Variants in CACNA1G observed in about 807,000 individuals in gnomAD.
The protein encoded by CACNA1G is voltage-dependent T-type calcium channel subunit alpha-1G.
Under a neutral mutation model 219.4 loss-of-function variants are expected in CACNA1G, and 67 were observed. That is an observed-to-expected ratio of 0.31 (90% confidence interval 0.25 to 0.37). CACNA1G has a LOEUF of 0.37. CACNA1G is among the 10% of genes least tolerant of loss of function. The pLI is 1.00. For missense variants in CACNA1G, 2,380 were observed against 3,231.4 expected (o/e 0.74, Z 6.39); for synonymous variants, 1,296 against 1,345.3 (o/e 0.96, Z 0.80).
intron 9 of CACNA1G, among the ~76,000 whole-genome samples, chr17:50,589,150 G>A (rs2145407264): frequency 1.3e-5 from 2 of 152,270 alleles, no homozygotes; most frequent in Admixed American, 1.3e-4. Context: ...GGTCCATTGA[G>A]CCAACCATAT....
chr17:50,571,768 GTC>G lies in CACNA1G; in HGVS notation c.587-107_587-106del. On this transcript the variant is annotated intron_variant, in intron 4 of 37. Transcript: ENST00000359106. The surrounding 1 kb of genome is among the most constrained non-coding windows in gnomAD (Gnocchi z 4.3). ...TCTCCCCTCCAGCTTGAGCCGGGCC[GTC>G]TCAGCCTCAGAGTCCCTGGTGGGGC... 1 of 1,107,994 alleles carries G rather than the reference GTC, an allele frequency of 9.0e-7. No individual in the cohort carries two copies. The highest frequency in any genetic ancestry group is 1.3e-6 in the Non-Finnish European group (1 of 753,736). 68.6% of individuals were successfully genotyped at this position (1,107,994 alleles called of 1,614,324 possible).
chr17:50,588,567 G>A (rs991065873), intron 9 of CACNA1G, among the ~76,000 whole-genome samples: 1 of 152,188 alleles, frequency 6.6e-6, no homozygotes, highest in South Asian at 2.1e-4. Context: ...CCCACCTCCT[G>A]TACTGTGCTC....
At chr17:50,595,318 A>G (rs927163371) in intron 14 of CACNA1G, among the ~76,000 whole-genome samples, 1 of 152,194 alleles carries the variant, frequency 6.6e-6, no homozygotes, top group Admixed American at 6.5e-5. Context: ...AGACTGGTGG[A>G]TGGGCCGGAG....
At position 50,617,719 on chromosome 17, in the gene CACNA1G, A is replaced by G; in HGVS notation, c.5156-140A>G. 3 of 1,426,980 alleles carry G rather than the reference A, an allele frequency of 2.1e-6. No individual in the cohort carries two copies. Among genetic ancestry groups the G allele is most frequent in the Non-Finnish European group, 1.9e-6 (2 of 1,042,894 alleles). The allele number at this position is 1,426,980 out of a possible 1,614,324, so 88.4% of individuals were successfully genotyped here. ...GCTTCTGCCAAGGGAGGCTGGAGAC[A>G]GGGCTGAGGATGGGGATGCAACCTG... On this transcript the variant is annotated intron_variant, in intron 29 of 37. Transcript: ENST00000359106. The surrounding 1 kb of genome is among the most constrained non-coding windows in gnomAD (Gnocchi z 5.8).
rs143015466 is a variant in CACNA1G, at chr17:50,587,747, AG to A, written c.2302-2720del. Among the ~76,000 whole-genome samples the A allele has an allele frequency of 5.6e-3, 856 of 152,316 alleles. 4 individuals carry two copies. The highest frequency in any genetic ancestry group is 9.6e-3 in the Non-Finnish European group (654 of 68,040). ...CTGGAGTCACTTGGCTGGGCAAAAC[AG>A]GGGTTCCAGCCTTTGCTGGCACAGC... On this transcript the variant is annotated intron_variant, in intron 9 of 37. Transcript: ENST00000359106.
chr17:50,583,989 G>A (rs367692894), intron 9 of CACNA1G, among the ~76,000 whole-genome samples: 12 of 152,252 alleles, frequency 7.9e-5, no homozygotes, highest in African/African-American at 2.9e-4. Context: ...TCTCTGGGCC[G>A]GGGCACCTTA....
chr17:50,581,294 GAC>G (rs1308798867), intron 9 of CACNA1G, among the ~76,000 whole-genome samples: 1 of 151,926 alleles, frequency 6.6e-6, no homozygotes, highest in East Asian at 1.9e-4. Context: ...GGGATGGGGA[GAC>G]AGAGACTCCC....
intron 9 of CACNA1G, among the ~76,000 whole-genome samples, chr17:50,588,001 TTGAG>T (rs1370165346): frequency 6.6e-6 from 1 of 152,194 alleles, no homozygotes; most frequent in African/African-American, 2.4e-5. Flanking sequence ...AATTCACTGA[TTGAG>T]TAAATACATG....
Position 50,564,590 on chromosome 17 carries a change from C to T in CACNA1G, c.242+2889C>T, listed in dbSNP as rs554317765. Among the ~76,000 whole-genome samples, 13 of 151,912 alleles carry T rather than the reference C, an allele frequency of 8.6e-5. No individual in the cohort carries two copies. The South Asian group carries it at 2.5e-3, about 29-fold the overall frequency. ...AGTGTGAGTGAGTGACTGTGCGTCACTCTGTGTGTCTGAGTGTGTCCCTCT... is the reference window on the plus strand; with the variant it reads ...AGTGTGAGTGAGTGACTGTGCGTCATTCTGTGTGTCTGAGTGTGTCCCTCT... On this transcript the variant is annotated intron_variant, in intron 1 of 37. Coordinates refer to ENST00000359106, the MANE Select transcript of CACNA1G (RefSeq NM_018896.5).
chr17:50,572,147 G>C, intron 5 of CACNA1G, 110 bp downstream of exon 5: 1 of 1,233,832 alleles, frequency 8.1e-7, no homozygotes, highest in Non-Finnish European at 1.1e-6. Flanking sequence ...TAACATCTGA[G>C]ACATATCTGG....
rs930525225 is a variant in CACNA1G at position 50,560,750 on chromosome 17, C to A, written c.-710C>A. ...CTCCTCGCCGCCGCTTTCGCTCGCT[C>A]GCTCCGCGTCTCGGCCGGAGGAGGA... On this transcript the variant is annotated 5_prime_UTR_variant, in exon 1 of 38. Coordinates refer to ENST00000359106, the MANE Select transcript of CACNA1G (RefSeq NM_018896.5). Among the ~76,000 whole-genome samples the A allele has an allele frequency of 6.6e-6, 1 of 152,174 alleles. No individual in the cohort carries two copies. The highest frequency in any genetic ancestry group is 1.5e-5 in the Non-Finnish European group (1 of 68,006).
chr17:50,610,286 T>C (rs749752677), intron 26 of CACNA1G, among the ~76,000 whole-genome samples: 2 of 152,214 alleles, frequency 1.3e-5, no homozygotes, highest in Non-Finnish European at 2.9e-5. Context: ...TGTCTCCTTT[T>C]GTCTGAGGGG....
At chr17:50,566,759 G>A (rs188803735) in intron 1 of CACNA1G, among the ~76,000 whole-genome samples, 33 of 152,324 alleles carry the variant, frequency 2.2e-4, no homozygotes, top group African/African-American at 6.5e-4. Context: ...CATCTGCTCC[G>A]TGCCAGGCAC....
At position 50,583,583 on chromosome 17, in the gene CACNA1G, C is replaced by T. The variant is rs12150365; in HGVS notation, c.2301+5019C>T. ...GAGCTGCTCATCCCCAGCTCTCCTT[C>T]GGAAGGGCTTCACGAAGGTGGTGGC... is the stretch of plus-strand genomic sequence containing the variant. On this transcript the variant is annotated intron_variant, in intron 9 of 37. Coordinates refer to ENST00000359106, the MANE Select transcript of CACNA1G (RefSeq NM_018896.5). 1.2e-3 allele frequency among the ~76,000 whole-genome samples: 170 copies of T among 145,966 alleles called. 2 individuals carry two copies. The highest frequency in any genetic ancestry group is 2.2e-3 in the Non-Finnish European group (145 of 66,974).
chr17:50,578,756 C>T lies in CACNA1G; in HGVS notation c.2301+192C>T, dbSNP rs2041258158. ...TCTCTAGAGGGAGTGCTTAAAGTCT[C>T]TGAGTATGGAGGTCGCCTCAGGTAG... On this transcript the variant is annotated intron_variant, in intron 9 of 37. Coordinates refer to ENST00000359106, the MANE Select transcript of CACNA1G (RefSeq NM_018896.5). This position sits in a 1 kb window ranked among gnomAD's most constrained non-coding sequence, Gnocchi z 4.5. Among the ~76,000 whole-genome samples the T allele has an allele frequency of 6.6e-6, 1 of 152,158 alleles. No homozygotes were observed. Among genetic ancestry groups the T allele is most frequent in the South Asian group, 2.1e-4 (1 of 4,828 alleles).
intron 16 of CACNA1G, 142 bp from the exon 17 acceptor site, chr17:50,599,286 C>T (rs1163483994): frequency 3.9e-6 from 3 of 766,490 alleles, no homozygotes; most frequent in Non-Finnish European, 6.1e-6. Context: ...AGGATCTGAA[C>T]CCAGGCATCA....
intron 13 of CACNA1G, 85 bp from the exon 14 acceptor site, chr17:50,594,908 T>G: frequency 9.6e-7 from 1 of 1,036,418 alleles, no homozygotes; most frequent in East Asian, 2.6e-5. Flanking sequence ...CTCCTTTTCT[T>G]CATCCTCTCT....
rs1015166664 is a variant in CACNA1G at position 50,572,118 on chromosome 17, G to T, written c.746+81G>T. 2.0e-5 allele frequency: 29 copies of T among 1,434,640 alleles called. No homozygotes were observed. In the South Asian group the frequency reaches 3.6e-4, roughly 18 times the overall value. The allele number at this position is 1,434,640 out of a possible 1,614,324, so 88.9% of individuals were successfully genotyped here. On this transcript the variant is annotated intron_variant, in intron 5 of 37. Transcript: ENST00000359106. ...CCCCCCAAGTTCCTCACTTCCGGTT[G>T]CTACTGACATATCTGTTCTAACATC...
intron 8 of CACNA1G, among the ~76,000 whole-genome samples, chr17:50,577,218 C>T (rs2040875230): frequency 6.6e-6 from 1 of 152,190 alleles, no homozygotes; most frequent in Non-Finnish European, 1.5e-5. Context: ...AAAGGCAAGG[C>T]TGGGCCCATA....
Sources: gnomAD v4.1 joint callset for allele counts (sites outside exome capture counted in the v4.1 genomes callset) on GRCh38, gnomAD v4.1.1 for gene constraint, Gnocchi (gnomAD v3.1) non-coding constraint, MANE v1.5 for transcripts, NCBI Gene and HGNC (gene_info 2026-07-23, HGNC 2026-07-21) for gene names.